AHRR: variants seen among roughly 807,000 people sequenced by gnomAD.
AHRR encodes the protein aryl hydrocarbon receptor repressor, also known as ahR repressor.
In AHRR, 28 loss-of-function variants were observed where a neutral mutation model predicts 44.0. The ratio of observed to expected loss-of-function variants is 0.64; its 90% CI spans 0.47 to 0.87. The LOEUF (loss-of-function observed/expected upper bound fraction) is 0.87, where lower values mean the gene tolerates loss of function less well. Ranked by LOEUF, AHRR falls within the 40% of genes least tolerant of loss-of-function variation. The pLI, the probability that AHRR is intolerant of heterozygous loss-of-function variation, is 0.00. For missense variants in AHRR, 990 were observed against 953.9 expected (o/e 1.04, Z -0.50); for synonymous variants, 434 against 407.0 (o/e 1.07, Z -0.80).
intron 4 of AHRR, among the ~76,000 whole-genome samples, chr5:401,477 C>T (rs1489025817): frequency 6.6e-6 from 1 of 152,238 alleles, no homozygotes; most frequent in Non-Finnish European, 1.5e-5. Context: ...TCCATTGGCG[C>T]CAGCCCAGGG....
At chr5:420,954 A>G (rs902643034) in intron 5 of AHRR, 5 of 207,342 alleles carry the variant, frequency 2.4e-5, no homozygotes, top group South Asian at 1.0e-4. Context: ...ACAGGCGCAC[A>G]TACGCTGGCA....
chr5:365,696 G>A (rs1055776413), intron 3 of AHRR, among the ~76,000 whole-genome samples: 9 of 151,648 alleles, frequency 5.9e-5, no homozygotes, highest in African/African-American at 2.2e-4. Context: ...AGAATAAGCA[G>A]TATTAGGAAT....
At chr5:399,971 G>T (rs1047036626) in intron 4 of AHRR, among the ~76,000 whole-genome samples, 3 of 152,230 alleles carry the variant, frequency 2.0e-5, no homozygotes, top group Non-Finnish European at 4.4e-5. Flanking sequence ...TGCCTCGCAC[G>T]CACGCAAGCC....
At chr5:344,375 C>T (rs1384682131) in intron 2 of AHRR, among the ~76,000 whole-genome samples, 2 of 142,018 alleles carry the variant, frequency 1.4e-5, no homozygotes, top group African/African-American at 5.2e-5. Context: ...CGAGGCTATG[C>T]GAGGCTGTGT....
At chr5:433,083 G>T in intron 10 of AHRR, 136 bp downstream of exon 10, 1 of 1,127,246 alleles carries the variant, frequency 8.9e-7, no homozygotes. Context: ...ACGAGCCACA[G>T]CTAACCTTAC....
intron 5 of AHRR, chr5:421,416 A>G: frequency 1.8e-6 from 1 of 561,362 alleles, no homozygotes; most frequent in Non-Finnish European, 3.2e-6. Context: ...ACTCAGAGGC[A>G]CAGGCAGAAG....
Position 422,277 on chromosome 5 carries a change from C to A in AHRR, c.442-452C>A, listed in dbSNP as rs184490060. 490 of 249,010 alleles carry A rather than the reference C, an allele frequency of 2.0e-3. 3 individuals carry two copies. The highest frequency in any genetic ancestry group is 9.0e-3 in the South Asian group (203 of 22,670). 15.4% of individuals were successfully genotyped at this position (249,010 alleles called of 1,614,324 possible). On this transcript the variant is annotated intron_variant, in intron 5 of 10. Transcript: ENST00000684583. ...GAAGGAGAGAGGACTAGAGAGAGGC[C>A]TGTGAACTGGCAGGTCCTTGAGGCA...
intron 4 of AHRR, among the ~76,000 whole-genome samples, chr5:401,636 A>G (rs969024848): frequency 3.9e-5 from 6 of 152,174 alleles, no homozygotes; most frequent in Non-Finnish European, 7.4e-5. Flanking sequence ...AGGCAGGTCA[A>G]GTGCTCCTGG....
In AHRR at chr5:338,176, A is replaced by T. The variant is rs1056475718; in HGVS notation, c.-10-5717A>T. On this transcript the variant is annotated intron_variant, in intron 1 of 10. Coordinates refer to ENST00000684583, the MANE Select transcript of AHRR (RefSeq NM_001377236.1). The surrounding 1 kb of genome is among the most constrained non-coding windows in gnomAD (Gnocchi z 4.1). ...AACACACTGTTGTTATTGCTTAGTC[A>T]CTTATCTTTTAAAGATATCTAAGCA... 1.4e-4 allele frequency among the ~76,000 whole-genome samples: 22 copies of T among 152,214 alleles called. No individual in the cohort carries two copies. The highest frequency in any genetic ancestry group is 5.1e-4 in the African/African-American group (21 of 41,440).
In AHRR at chr5:343,934, G is replaced by A. The variant is rs866398905; in HGVS notation, c.32G>A (p.Gly11Asp). 1 of 1,600,962 alleles carries A rather than the reference G, an allele frequency of 6.2e-7. No individual in the cohort carries two copies. The change falls in exon 2 of 11, where the codon GGC becomes GAC. Residue 11 changes from glycine to aspartate, a missense_variant. Gly to Asp is a moderately conservative substitution (Grantham distance 94, BLOSUM62 -1). Coordinates refer to ENST00000684583, the MANE Select transcript of AHRR (RefSeq NM_001377236.1). ...CCGCCGGGGGAGTGCACGTACGCGG[G>A]CCGGAAGCGGAGGAGGCCCCTGCAG... is the stretch of plus-strand genomic sequence containing the variant. MIPPGECTYA[G>D]RKRRRPLQKQ...
At chr5:360,592 T>C (rs1286143000) in intron 3 of AHRR, among the ~76,000 whole-genome samples, 1 of 152,124 alleles carries the variant, frequency 6.6e-6, no homozygotes, top group Non-Finnish European at 1.5e-5. Context: ...AGGAGAGCAT[T>C]GTAGGGAGAG....
chr5:346,194 G>A (rs1411147977), intron 2 of AHRR, among the ~76,000 whole-genome samples: 2 of 152,182 alleles, frequency 1.3e-5, no homozygotes, highest in Non-Finnish European at 2.9e-5. Flanking sequence ...ATAAAGGGAG[G>A]AAACATAAAT....
chr5:364,674 A>G (rs1743293873), intron 3 of AHRR, among the ~76,000 whole-genome samples: 1 of 152,156 alleles, frequency 6.6e-6, no homozygotes, highest in East Asian at 1.9e-4. Flanking sequence ...AGTAACTACA[A>G]TAAACATAAA....
At chr5:328,155 T>G (rs79441432) in intron 1 of AHRR, among the ~76,000 whole-genome samples, 4,856 of 152,178 alleles carry the variant, frequency 0.032, 100 homozygotes, top group South Asian at 0.043. Flanking sequence ...TTTTGATTCT[T>G]TGAGAAATCT....
chr5:395,944 A>G lies in AHRR; in HGVS notation c.352-17400A>G, dbSNP rs1734684112. 6.6e-6 allele frequency among the ~76,000 whole-genome samples: 1 copy of G among 152,226 alleles called. No individual in the cohort carries two copies. Among genetic ancestry groups the G allele is most frequent in the Non-Finnish European group, 1.5e-5 (1 of 68,032 alleles). On this transcript the variant is annotated intron_variant, in intron 4 of 10. Transcript: ENST00000684583. This position sits in a 1 kb window ranked among gnomAD's most constrained non-coding sequence, Gnocchi z 5.3. Reference sequence around the variant, plus strand: ...CTAAGGGGCTCCTGGTACGAGGATTAGGAGGCCATGGGTCGTCCAGAAACT... The same window carrying G: ...CTAAGGGGCTCCTGGTACGAGGATTGGGAGGCCATGGGTCGTCCAGAAACT...
intron 4 of AHRR, among the ~76,000 whole-genome samples, chr5:412,075 G>A (rs927966597): frequency 5.9e-5 from 9 of 152,120 alleles, no homozygotes; most frequent in Non-Finnish European, 1.0e-4. Context: ...AAAGGAAAAC[G>A]CCACATCAAG....
rs1736975744 is a variant in AHRR, at chr5:435,399, A to G, written c.*565A>G. The G allele has an allele frequency of 6.5e-6, 1 of 153,488 alleles. No individual in the cohort carries two copies. The highest frequency in any genetic ancestry group is 6.5e-5 in the Admixed American group (1 of 15,432). The allele number at this position is 153,488 out of a possible 1,614,324, so 9.5% of individuals were successfully genotyped here. ...GCACACGGCAAATTAGAAATACAAC[A>G]CGCGGAGAAAGGGGTCCGTGAGCCC... On this transcript the variant is annotated 3_prime_UTR_variant, in exon 11 of 11. Coordinates refer to ENST00000684583, the MANE Select transcript of AHRR (RefSeq NM_001377236.1).
Position 383,096 on chromosome 5 carries a change from T to C in AHRR, c.351+6380T>C, listed in dbSNP as rs954708545. Reference sequence around the variant, plus strand: ...TTCCAGGTATCCTGATGCTATTGAATTCTGGCTCAATTTTGTTATGGTCAG... The same window carrying C: ...TTCCAGGTATCCTGATGCTATTGAACTCTGGCTCAATTTTGTTATGGTCAG... On this transcript the variant is annotated intron_variant, in intron 4 of 10. Transcript: ENST00000684583. This position sits in a 1 kb window ranked among gnomAD's most constrained non-coding sequence, Gnocchi z 4.0. 6.6e-6 allele frequency among the ~76,000 whole-genome samples: 1 copy of C among 152,278 alleles called. No homozygotes were observed. The highest frequency in any genetic ancestry group is 1.5e-5 in the Non-Finnish European group (1 of 68,048).
rs373499533 is a variant in AHRR at position 427,859 on chromosome 5, C to T, written c.761C>T (p.Ala254Val). Residue 254 changes from alanine to valine, a missense_variant, in exon 8 of 11, where the codon GCG (alanine) becomes GTG (valine). Coordinates refer to ENST00000684583, the MANE Select transcript of AHRR (RefSeq NM_001377236.1). ...LKFLFGQKKKAPSGAMLPPRL... is the reference protein window; with the variant it reads ...LKFLFGQKKKVPSGAMLPPRL... ...TTCCTGTTTGGACAGAAGAAGAAGGCGCCGTCAGGAGCCATGCTCCCGCCG... is the reference window on the plus strand; with the variant it reads ...TTCCTGTTTGGACAGAAGAAGAAGGTGCCGTCAGGAGCCATGCTCCCGCCG... 2.9e-5 allele frequency: 47 copies of T among 1,614,108 alleles called. No individual in the cohort carries two copies. The highest frequency in any genetic ancestry group is 4.4e-5 in the South Asian group (4 of 91,086).
Sources: gnomAD v4.1 joint callset for allele counts (sites outside exome capture counted in the v4.1 genomes callset) on GRCh38, gnomAD v4.1.1 for gene constraint, Gnocchi (gnomAD v3.1) non-coding constraint, MANE v1.5 for transcripts, NCBI Gene and HGNC (gene_info 2026-07-23, HGNC 2026-07-21) for gene names.